MEGF8: variants seen among roughly 807,000 people sequenced by gnomAD.
The protein encoded by MEGF8 is multiple EGF like domains 8.
A neutral mutation model predicts 302.9 loss-of-function variants in MEGF8; 156 were observed. The observed-to-expected ratio is 0.52, with a 90% CI of 0.45 to 0.59. MEGF8 has a LOEUF of 0.59. MEGF8 is among the 20% of genes least tolerant of loss of function. The pLI is 0.00. For synonymous variants in MEGF8, 1,621 were observed against 1,660.5 expected, an observed-to-expected ratio of 0.98 and a Z score of 0.58; for missense variants, 3,345 against 3,964.5, an observed-to-expected ratio of 0.84 and a Z score of 4.20.
intron 35 of MEGF8, among the ~76,000 whole-genome samples, chr19:42,366,347 C>T (rs936143307): frequency 3.3e-5 from 5 of 152,110 alleles, no homozygotes; most frequent in African/African-American, 1.2e-4. Flanking sequence ...ACTATAGATG[C>T]ACGCCACCAC....
intron 39 of MEGF8, 62 bp downstream of exon 39, chr19:42,370,421 TGA>T: frequency 7.1e-7 from 1 of 1,411,208 alleles, no homozygotes; most frequent in Non-Finnish European, 9.6e-7. Context: ...CTCCTGGGTC[TGA>T]GGGAGGAGGG....
chr19:42,368,762 A>G lies in MEGF8; in HGVS notation c.6482-81A>G. 2 of 1,564,212 alleles carry G rather than the reference A, an allele frequency of 1.3e-6. No homozygotes were observed. The highest frequency in any genetic ancestry group is 2.4e-5 in the South Asian group (2 of 82,872). On this transcript the variant is annotated intron_variant, in intron 36 of 41. Coordinates refer to ENST00000251268, the MANE Select transcript of MEGF8 (RefSeq NM_001271938.2). This position sits in a 1 kb window ranked among gnomAD's most constrained non-coding sequence, Gnocchi z 4.9. ...TGGGCCAGACCCAGAGGTGGGGCTCAGAGGAGGCAGGAGGGAGGGCCTAGG... is the reference window on the plus strand; with the variant it reads ...TGGGCCAGACCCAGAGGTGGGGCTCGGAGGAGGCAGGAGGGAGGGCCTAGG...
Position 42,326,415 on chromosome 19 carries a change from G to A in MEGF8, c.172G>A (p.Glu58Lys), listed in dbSNP as rs778995883. The change falls in exon 1 of 42, where the codon GAG (glutamate) becomes AAG (lysine). Residue 58 changes from glutamate to lysine, a missense_variant. By Grantham distance (56) the Glu-to-Lys change is moderately conservative. Transcript: ENST00000251268. ...CAACTACAGCGTCAATGGCAACTGC[G>A]AGTGGCTCATCGAGGGTGAGTGGGG... is the stretch of plus-strand genomic sequence containing the variant. ...AGNYSVNGNC[E>K]WLIEAPSPQH... The A allele has an allele frequency of 3.2e-6, 5 of 1,561,724 alleles. No individual in the cohort carries two copies. In the Admixed American group the frequency reaches 8.1e-5, roughly 25 times the overall value.
At position 42,335,046 on chromosome 19, in the gene MEGF8, A is replaced by G; in HGVS notation, c.570A>G (p.Pro190=). ...CTCCTTTCCCGCAGCCCCTGGGACC[A>G]TGCCGCTGTGAGCCTGGCTTCTTGG... is the stretch of plus-strand genomic sequence containing the variant. ...SHGTCASPLG[P]CRCEPGFLGR... The change falls in exon 4 of 42, where the codon CCA becomes CCG. Residue 190 remains proline (P), a synonymous_variant. Coordinates refer to ENST00000251268, the MANE Select transcript of MEGF8 (RefSeq NM_001271938.2). The G allele has an allele frequency of 6.2e-7, 1 of 1,612,686 alleles. No individual in the cohort carries two copies. Among genetic ancestry groups the G allele is most frequent in the Non-Finnish European group, 8.5e-7 (1 of 1,179,396 alleles).
intron 41 of MEGF8, among the ~76,000 whole-genome samples, chr19:42,373,676 G>A (rs1212763777): frequency 1.3e-5 from 2 of 148,266 alleles, no homozygotes; most frequent in East Asian, 4.0e-4. Flanking sequence ...GATTCTAGGC[G>A]TGAGCCACCG....
chr19:42,358,288 C>T lies in MEGF8; in HGVS notation c.5156C>T (p.Ala1719Val). The T allele has an allele frequency of 3.7e-6, 6 of 1,604,612 alleles. No homozygotes were observed. In the South Asian group the frequency reaches 4.5e-5, roughly 12 times the overall value. The change falls in exon 29 of 42, where the codon GCC (alanine) becomes GTC (valine). Residue 1719 changes from alanine to valine, a missense_variant. Physicochemically the swap from Ala to Val is moderately conservative, Grantham distance 64 (BLOSUM62 0). Coordinates refer to ENST00000251268, the MANE Select transcript of MEGF8 (RefSeq NM_001271938.2). The surrounding 1 kb of genome is among the most constrained non-coding windows in gnomAD (Gnocchi z 4.4). The stretch of plus-strand genomic sequence containing the variant: ...CCTGACCGCACCTGGAGTCTGCTGG[C>T]CCCTTCTCAGGGGGCAAAGGTCAGG... ...HCPDRTWSLL[A>V]PSQGAKRDRM...
At position 42,357,303 on chromosome 19, in the gene MEGF8, A is replaced by G; in HGVS notation, c.4831-101A>G. ...GCCCTGGGGGGGTCATTCCCTCCTT[A>G]GTACTTCAGGGAGGACTGTGGGGGG... On this transcript the variant is annotated intron_variant, in intron 27 of 41. Transcript: ENST00000251268. This position sits in a 1 kb window ranked among gnomAD's most constrained non-coding sequence, Gnocchi z 5.2. The G allele has an allele frequency of 7.2e-7, 1 of 1,388,086 alleles. No homozygotes were observed. The highest frequency in any genetic ancestry group is 1.3e-5 in the South Asian group (1 of 77,188). 86.0% of individuals were successfully genotyped at this position (1,388,086 alleles called of 1,614,324 possible). A position where few individuals can be genotyped will look rare whatever the true frequency, so the allele number is the denominator to read the frequency against.
intron 35 of MEGF8, among the ~76,000 whole-genome samples, chr19:42,364,307 C>T (rs530863592): frequency 1.3e-5 from 2 of 152,186 alleles, no homozygotes; most frequent in African/African-American, 4.8e-5. Flanking sequence ...CCACTGCCCC[C>T]CCGTGGGAGA....
chr19:42,359,181 C>G lies in MEGF8; in HGVS notation c.5427C>G (p.Phe1809Leu). 13 of 1,604,124 alleles carry G rather than the reference C, an allele frequency of 8.1e-6. No homozygotes were observed. Among genetic ancestry groups the G allele is most frequent in the Non-Finnish European group, 1.1e-5 (13 of 1,175,344 alleles). The change falls in exon 31 of 42, where the codon TTC (phenylalanine) becomes TTG (leucine). Residue 1809 changes from phenylalanine (F) to leucine (L), a missense_variant. Phe to Leu is a conservative substitution (Grantham distance 22). Transcript: ENST00000251268. Reference protein sequence around the residue: ...VLGGRSDPDEFSSDVLLYQVN... With the variant: ...VLGGRSDPDELSSDVLLYQVN... The stretch of plus-strand genomic sequence containing the variant: ...GGGGGCGCTCGGACCCTGACGAGTT[C>G]AGCAGCGACGTTCTGCTCTACCAGG...
At position 42,368,611 on chromosome 19, in the gene MEGF8, C is replaced by A; in HGVS notation, c.6430C>A (p.Gln2144Lys). ...PHCGWCAWGG[Q>K]DGGGRCMEGG... is the part of the protein sequence containing the mutation. ...TTGCGGCTGGTGTGCCTGGGGGGGC[C>A]AGGATGGGGGTGGCCGCTGCATGGA... The change falls in exon 36 of 42, where the codon CAG becomes AAG. Residue 2144 changes from glutamine to lysine, a missense_variant. Coordinates refer to ENST00000251268, the MANE Select transcript of MEGF8 (RefSeq NM_001271938.2). The surrounding 1 kb of genome is among the most constrained non-coding windows in gnomAD (Gnocchi z 4.9). 1 of 1,570,776 alleles carries A rather than the reference C, an allele frequency of 6.4e-7. No homozygotes were observed. Among genetic ancestry groups the A allele is most frequent in the Non-Finnish European group, 8.6e-7 (1 of 1,158,860 alleles).
Position 42,348,362 on chromosome 19 carries a change from C to G in MEGF8, c.2188C>G (p.Leu730Val). ...LVYRGFIYPM[L>V]PGGPGGPGAE... ...CTACCGTGGCTTCATCTACCCAATG[C>G]TGCCTGGAGGGCCAGGTGGACCAGG... Residue 730 changes from leucine (L) to valine (V), a missense_variant, in exon 13 of 42, where the codon CTG becomes GTG. Coordinates refer to ENST00000251268, the MANE Select transcript of MEGF8 (RefSeq NM_001271938.2). 1 of 1,537,416 alleles carries G rather than the reference C, an allele frequency of 6.5e-7. No homozygotes were observed. The highest frequency in any genetic ancestry group is 8.7e-7 in the Non-Finnish European group (1 of 1,146,934).
Position 42,337,296 on chromosome 19 carries a change from G to T in MEGF8, c.1513+90G>T, listed in dbSNP as rs979648499. On this transcript the variant is annotated intron_variant, in intron 8 of 41. Transcript: ENST00000251268. ...GGCTCAAGCCACCTCAGTCCGTAAG[G>T]GTGAGCCTGACATCCAGGCCAGTTG... 18 of 1,570,414 alleles carry T rather than the reference G, an allele frequency of 1.1e-5. No homozygotes were observed. In the South Asian group the frequency reaches 2.0e-4, roughly 18 times the overall value.
chr19:42,367,526 G>A (rs2039625819), intron 35 of MEGF8, among the ~76,000 whole-genome samples: 2 of 152,120 alleles, frequency 1.3e-5, no homozygotes. Flanking sequence ...CTGACCTCGT[G>A]ATCCGCCCGC....
In MEGF8 at chr19:42,375,424, T is replaced by G; in HGVS notation, c.7270-83T>G. ...GGCAATGGCTACTTAGCAGTGGGTA[T>G]AGAGTATTCGTCACTGCTGCTTGGG... On this transcript the variant is annotated intron_variant, in intron 41 of 41. Transcript: ENST00000251268. This position sits in a 1 kb window ranked among gnomAD's most constrained non-coding sequence, Gnocchi z 7.1. 1 of 1,336,298 alleles carries G rather than the reference T, an allele frequency of 7.5e-7. No homozygotes were observed. The highest frequency in any genetic ancestry group is 1.0e-6 in the Non-Finnish European group (1 of 989,036). 82.8% of individuals were successfully genotyped at this position (1,336,298 alleles called of 1,614,324 possible).
chr19:42,373,125 A>C (rs2039714831), intron 41 of MEGF8, among the ~76,000 whole-genome samples: 1 of 146,746 alleles, frequency 6.8e-6, no homozygotes, highest in African/African-American at 2.5e-5. Flanking sequence ...ACGGAGTCTC[A>C]CTCTGTCGCC....
At position 42,375,559 on chromosome 19, in the gene MEGF8, G is replaced by T; in HGVS notation, c.7322G>T (p.Cys2441Phe). The part of the protein sequence containing the change: ...FHGSPLGGQQ[C>F]YRLISVEQEC... The stretch of plus-strand genomic sequence containing the variant: ...GGGAGTCCGCTGGGCGGCCAGCAGT[G>T]CTACCGCCTCATCTCGGTGGAGCAG... The change falls in exon 42 of 42, where the codon TGC becomes TTC. Residue 2441 changes from cysteine to phenylalanine, a missense_variant. Transcript: ENST00000251268. The surrounding 1 kb of genome is among the most constrained non-coding windows in gnomAD (Gnocchi z 7.1). 6.3e-7 allele frequency: 1 copy of T among 1,595,480 alleles called. No individual in the cohort carries two copies. Among genetic ancestry groups the T allele is most frequent in the Non-Finnish European group, 8.5e-7 (1 of 1,171,878 alleles).
chr19:42,374,370 C>G (rs1436243820), intron 41 of MEGF8, among the ~76,000 whole-genome samples: 4 of 150,842 alleles, frequency 2.7e-5, no homozygotes, highest in East Asian at 3.9e-4. Context: ...ACTCGGGAGG[C>G]TGAGGCAGGA....
At chr19:42,361,719 C>G (rs1187511407) in intron 32 of MEGF8, among the ~76,000 whole-genome samples, 1 of 151,820 alleles carries the variant, frequency 6.6e-6, no homozygotes, top group Non-Finnish European at 1.5e-5. Context: ...AGGGCAGGGA[C>G]GGGCCTGGGC....
rs1324005582 is a variant in MEGF8, at chr19:42,354,728, G to T, written c.4144+8G>T. Reference sequence around the variant, plus strand: ...CTGTTCAGGCCCTGTCTGGTACGGGGGCTAGGGGAAGTGGGACCTCTTAGT... The same window carrying T: ...CTGTTCAGGCCCTGTCTGGTACGGGTGCTAGGGGAAGTGGGACCTCTTAGT... On this transcript the variant is annotated splice_region_variant and intron_variant, in intron 23 of 41. Coordinates refer to ENST00000251268, the MANE Select transcript of MEGF8 (RefSeq NM_001271938.2). The surrounding 1 kb of genome is among the most constrained non-coding windows in gnomAD (Gnocchi z 4.3). 4.4e-6 allele frequency: 7 copies of T among 1,593,806 alleles called. No homozygotes were observed. The highest frequency in any genetic ancestry group is 2.6e-6 in the Non-Finnish European group (3 of 1,171,390).
Sources: allele counts gnomAD v4.1 joint callset (sites outside exome capture counted in the v4.1 genomes callset), GRCh38; gene constraint gnomAD v4.1.1; non-coding constraint Gnocchi (gnomAD v3.1); transcripts MANE v1.5; gene names NCBI Gene and HGNC (gene_info 2026-07-23, HGNC 2026-07-21).